Variants in DPP8 observed in about 807,000 individuals in gnomAD.
DPP8 encodes the protein DPP VIII.
Under a neutral mutation model 107.5 loss-of-function variants are expected in DPP8, and 31 were observed. The ratio of observed to expected loss-of-function variants is 0.29; its 90% confidence interval spans 0.22 to 0.39. The LOEUF (loss-of-function observed/expected upper bound fraction) is 0.39. DPP8 is among the 10% of genes least tolerant of loss of function. DPP8 has a pLI of 1.00. For missense variants in DPP8, 842 were observed against 1,076.1 expected (o/e 0.78, Z 3.04); for synonymous variants, 381 against 356.6 (o/e 1.07, Z -0.77).
intron 3 of DPP8, chr15:65,502,969 T>C (rs950282965): frequency 2.0e-5 from 3 of 152,282 alleles, no homozygotes; most frequent in African/African-American, 2.4e-5. Context: ...CACGTATGCA[T>C]GGATTGGAAG....
chr15:65,473,898 T>C (rs2066140149), intron 12 of DPP8, among the ~76,000 whole-genome samples: 1 of 152,098 alleles, frequency 6.6e-6, no homozygotes, highest in Non-Finnish European at 1.5e-5. Flanking sequence ...GGTCAGGAGT[T>C]TGAGACCAGC....
intron 19 of DPP8, among the ~76,000 whole-genome samples, chr15:65,447,939 G>GAT (rs2063590725): frequency 6.6e-6 from 1 of 152,156 alleles, no homozygotes; most frequent in Non-Finnish European, 1.5e-5. Flanking sequence ...TACAATAAAA[G>GAT]GAGTCAATAT....
chr15:65,472,647 T>G (rs1051037916), intron 12 of DPP8, among the ~76,000 whole-genome samples: 2 of 152,170 alleles, frequency 1.3e-5, no homozygotes, highest in African/African-American at 4.8e-5. Context: ...AATAGATTTT[T>G]AAGTTACTTT....
At chr15:65,482,274 C>T (rs980744336) in intron 8 of DPP8, among the ~76,000 whole-genome samples, 1 of 151,932 alleles carries the variant, frequency 6.6e-6, no homozygotes, top group Non-Finnish European at 1.5e-5. Flanking sequence ...GTCTCAAACT[C>T]CTGGGCTCAA....
intron 14 of DPP8, 127 bp from the exon 15 acceptor site, chr15:65,464,033 A>G (rs2065131861): frequency 4.5e-6 from 3 of 665,088 alleles, no homozygotes; most frequent in Admixed American, 3.3e-5. Context: ...CTTTCAGATG[A>G]TAAGCTAGAA....
At chr15:65,516,264 C>T (rs911576457) in intron 1 of DPP8, 3 of 153,856 alleles carry the variant, frequency 1.9e-5, no homozygotes, top group Non-Finnish European at 2.9e-5. Flanking sequence ...GCCATTTTTG[C>T]AGAAAGGGAA....
At chr15:65,458,272 G>GT (rs1567149251) in intron 15 of DPP8, among the ~76,000 whole-genome samples, 1 of 151,430 alleles carries the variant, frequency 6.6e-6, no homozygotes, top group African/African-American at 2.4e-5. Context: ...AACTTTTTTT[G>GT]TTTTTTGAAA....
chr15:65,490,823 G>A (rs930236914), intron 5 of DPP8, among the ~76,000 whole-genome samples: 1 of 152,054 alleles, frequency 6.6e-6, no homozygotes, highest in Non-Finnish European at 1.5e-5. Context: ...CAAATAGTTT[G>A]AAGGGGACTC....
At chr15:65,476,849 C>A (rs1185057163) in intron 11 of DPP8, among the ~76,000 whole-genome samples, 2 of 152,026 alleles carry the variant, frequency 1.3e-5, no homozygotes, top group African/African-American at 4.8e-5. Context: ...TACAACGAAA[C>A]CTTACTCAGC....
chr15:65,461,903 G>GTT lies in DPP8; in HGVS notation c.1971+1856_1971+1857dup, dbSNP rs879538765. ...CTTGAGCCATCGCGCACAGCCGACC[G>GTT]TTTTTTTTTTTTTAAAGTTTACAAA... On this transcript the variant is annotated intron_variant, in intron 15 of 19. Transcript: ENST00000300141. 1.6e-3 allele frequency among the ~76,000 whole-genome samples: 220 copies of GTT among 136,868 alleles called. 2 individuals carry two copies. Among genetic ancestry groups the GTT allele is most frequent in the African/African-American group, 5.7e-3 (213 of 37,402 alleles). 89.8% of individuals were successfully genotyped at this position (136,868 alleles called of 152,430 possible). A position where few individuals can be genotyped will look rare whatever the true frequency, so the allele number is the denominator to read the frequency against.
Position 65,512,558 on chromosome 15 carries a change from C to T in DPP8, c.-5G>A. ...TGTTTCCATTGCTGCTGCCATGTTG[C>T]ATTTTCCTAGAAAAACAAGGCACAT... On this transcript the variant is annotated 5_prime_UTR_variant, in exon 2 of 20. It removes an upstream start codon present in the reference 5' UTR. Transcript: ENST00000300141. 1 of 1,613,914 alleles carries T rather than the reference C, an allele frequency of 6.2e-7. No homozygotes were observed. The highest frequency in any genetic ancestry group is 8.5e-7 in the Non-Finnish European group (1 of 1,179,948).
At chr15:65,471,820 C>A (rs949966799) in intron 12 of DPP8, among the ~76,000 whole-genome samples, 1 of 152,072 alleles carries the variant, frequency 6.6e-6, no homozygotes, top group Non-Finnish European at 1.5e-5. Context: ...CAAAAACAAA[C>A]CTGGGATCTG....
chr15:65,458,168 C>T (rs2064597834), intron 15 of DPP8, among the ~76,000 whole-genome samples: 1 of 152,210 alleles, frequency 6.6e-6, no homozygotes, highest in Non-Finnish European at 1.5e-5. Flanking sequence ...TCTTCAAAAC[C>T]TGTGTCCTGT....
intron 5 of DPP8, 124 bp from the exon 6 acceptor site, chr15:65,490,423 C>T (rs963734180): frequency 2.9e-6 from 2 of 688,322 alleles, no homozygotes; most frequent in African/African-American, 3.6e-5. Context: ...GCTGAACGGA[C>T]TGAGTTCAAA....
intron 17 of DPP8, among the ~76,000 whole-genome samples, chr15:65,453,430 T>TACAC (rs1268965840): frequency 6.6e-6 from 1 of 151,138 alleles, no homozygotes; most frequent in Non-Finnish European, 1.5e-5. Flanking sequence ...AAAAGAAAAA[T>TACAC]ATACACACAC....
intron 12 of DPP8, among the ~76,000 whole-genome samples, chr15:65,470,195 C>CAAAAAAAAAAAAAAAA (rs11310623): frequency 3.4e-5 from 2 of 58,498 alleles, no homozygotes; most frequent in South Asian, 8.2e-4. Flanking sequence ...ACTCTTGTCT[C>CAAAAAAAAAAAAAAAA]AAAAAAAAAA....
Position 65,443,213 on chromosome 15 carries a change from A to G in DPP8, c.*3671T>C, listed in dbSNP as rs1168593504. On this transcript the variant is annotated 3_prime_UTR_variant, in exon 20 of 20. Transcript: ENST00000300141. ...TTCTTTAAAAATTTACCTTTTCTAT[A>G]TATCATTTAACTACCATGAGGCAGG... The G allele has an allele frequency of 3.9e-5, 6 of 152,202 alleles. No individual in the cohort carries two copies. The highest frequency in any genetic ancestry group is 1.9e-4 in the East Asian group (1 of 5,204). 9.4% of individuals were successfully genotyped at this position (152,202 alleles called of 1,614,324 possible).
At chr15:65,487,429 G>T (rs1463937599) in intron 7 of DPP8, among the ~76,000 whole-genome samples, 1 of 152,140 alleles carries the variant, frequency 6.6e-6, no homozygotes, top group Non-Finnish European at 1.5e-5. Flanking sequence ...GATTACAGAC[G>T]TGAGCTACCA....
Position 65,474,245 on chromosome 15 carries a change from A to G in DPP8, c.1500T>C (p.Ser500=). The G allele has an allele frequency of 6.2e-7, 1 of 1,612,930 alleles. No homozygotes were observed. The highest frequency in any genetic ancestry group is 8.5e-7 in the Non-Finnish European group (1 of 1,178,936). ...CPIKEEIAIT[S]GEWEVLGRHG... is the part of the protein sequence containing the mutation. ...GCCGGCCAAGAACTTCCCATTCACC[A>G]CTGGTAATTGCTATCTCCTCTTTGA... Residue 500 remains serine (S), a synonymous_variant, in exon 12 of 20, where the codon AGT becomes AGC. Transcript: ENST00000300141.
Sources: allele counts gnomAD v4.1 joint callset (sites outside exome capture counted in the v4.1 genomes callset), GRCh38; gene constraint gnomAD v4.1.1; transcripts MANE v1.5; gene names NCBI Gene and HGNC (gene_info 2026-07-23, HGNC 2026-07-21).